The following GALNTL6 variants were observed in gnomAD, a reference collection of about 807,000 sequenced individuals.
GALNTL6 encodes the protein polypeptide N-acetylgalactosaminyltransferase-like 6.
In GALNTL6, 46 loss-of-function variants were observed where a neutral mutation model predicts 73.7. The ratio of observed to expected loss-of-function variants is 0.62; its 90% CI spans 0.49 to 0.80. The LOEUF (loss-of-function observed/expected upper bound fraction) is 0.80, where lower values mean the gene tolerates loss of function less well. Ranked by LOEUF, GALNTL6 falls within the 30% of genes least tolerant of loss-of-function variation. GALNTL6 has a pLI of 0.00. For synonymous variants in GALNTL6, 259 were observed against 263.7 expected (o/e 0.98, Z 0.17); for missense variants, 604 against 755.0 (o/e 0.80, Z 2.34).
rs1734384550 is a variant in GALNTL6 at position 172,506,110 on chromosome 4, TC to T, written c.553+157425del. On this transcript the variant is annotated intron_variant, in intron 5 of 12. Coordinates refer to ENST00000506823, the MANE Select transcript of GALNTL6 (RefSeq NM_001034845.3). ...AGTCATGTGGACCCTAGATTATAGT[TC>T]CCCTTAACTGCTATATGGATAACAA... Among the ~76,000 whole-genome samples, 2 of 53,996 alleles carry T rather than the reference TC, an allele frequency of 3.7e-5. 1 individual carries two copies. Among genetic ancestry groups the T allele is most frequent in the South Asian group, 3.7e-3 (2 of 542 alleles). 35.4% of individuals were successfully genotyped at this position (53,996 alleles called of 152,430 possible).
chr4:172,652,871 GT>G (rs376179279), intron 5 of GALNTL6, among the ~76,000 whole-genome samples: 10 of 152,066 alleles, frequency 6.6e-5, no homozygotes, highest in African/African-American at 2.2e-4. Context: ...CTAATTATAA[GT>G]TTTTTTCTTG....
chr4:171,846,810 C>T (rs1229316299), intron 2 of GALNTL6, among the ~76,000 whole-genome samples: 1 of 146,286 alleles, frequency 6.8e-6, no homozygotes, highest in Admixed American at 6.9e-5. Flanking sequence ...ATATATGTCC[C>T]TGTAGATGTA....
chr4:171,814,964 T>C (rs761323125), intron 2 of GALNTL6: 1 of 561,048 alleles, frequency 1.8e-6, no homozygotes, highest in Non-Finnish European at 3.1e-6. Context: ...GAGAAGATAA[T>C]CTTTCACCAT....
Position 172,936,926 on chromosome 4 carries a change from C to A in GALNTL6, c.1149+5658C>A, listed in dbSNP as rs1748649280. Reference sequence around the variant, plus strand: ...AAGGAGTAGAGCTGGGTCTATGAACCGAGGTCTGTCTGGTCGAGGTTCATG... The same window carrying A: ...AAGGAGTAGAGCTGGGTCTATGAACAGAGGTCTGTCTGGTCGAGGTTCATG... On this transcript the variant is annotated intron_variant, in intron 9 of 12. Coordinates refer to ENST00000506823, the MANE Select transcript of GALNTL6 (RefSeq NM_001034845.3). Among the ~76,000 whole-genome samples, 3 of 151,940 alleles carry A rather than the reference C, an allele frequency of 2.0e-5. No individual in the cohort carries two copies. The South Asian group carries it at 6.2e-4, about 32-fold the overall frequency.
At chr4:172,923,132 G>T (rs78759496) in intron 8 of GALNTL6, among the ~76,000 whole-genome samples, 2,627 of 152,234 alleles carry the variant, frequency 0.017, 67 homozygotes, top group African/African-American at 0.059. Flanking sequence ...GAGGGGAAGA[G>T]AGTTTATTAG....
intron 2 of GALNTL6, among the ~76,000 whole-genome samples, chr4:171,970,321 C>A (rs963258787): frequency 2.6e-5 from 4 of 152,036 alleles, no homozygotes; most frequent in East Asian, 3.9e-4. Flanking sequence ...TTGGCTGGAC[C>A]AAGCATTTGG....
At chr4:171,988,533 T>C (rs537904493) in intron 2 of GALNTL6, among the ~76,000 whole-genome samples, 224 of 152,048 alleles carry the variant, frequency 1.5e-3, no homozygotes, top group African/African-American at 4.8e-3. Context: ...AACAGAATAG[T>C]GGATTGTGGA....
intron 5 of GALNTL6, among the ~76,000 whole-genome samples, chr4:172,621,827 T>C (rs1193901185): frequency 6.6e-6 from 1 of 152,186 alleles, no homozygotes; most frequent in African/African-American, 2.4e-5. Flanking sequence ...GCCGATATTA[T>C]ATATTCTTTG....
chr4:172,825,724 C>T (rs763302395), intron 7 of GALNTL6, among the ~76,000 whole-genome samples: 39 of 152,190 alleles, frequency 2.6e-4, no homozygotes, highest in Non-Finnish European at 3.2e-4. Flanking sequence ...AAAAAGAAAG[C>T]AGGTTTGAAT....
intron 5 of GALNTL6, among the ~76,000 whole-genome samples, chr4:172,782,570 T>C (rs951361772): frequency 8.5e-5 from 13 of 152,152 alleles, no homozygotes; most frequent in Non-Finnish European, 1.2e-4. Flanking sequence ...AGATCGGGGC[T>C]TCATCGTCTG....
chr4:172,568,683 G>T (rs193148768), intron 5 of GALNTL6, among the ~76,000 whole-genome samples: 2,398 of 147,920 alleles, frequency 0.016, 26 homozygotes, highest in Middle Eastern at 0.031. Flanking sequence ...GCGTGAACCC[G>T]GGAGGCGGAG....
intron 5 of GALNTL6, among the ~76,000 whole-genome samples, chr4:172,635,449 G>GT (rs1413177295): frequency 6.6e-6 from 1 of 152,008 alleles, no homozygotes; most frequent in Non-Finnish European, 1.5e-5. Context: ...TTAGTTTTGG[G>GT]TTTTTTATCA....
intron 9 of GALNTL6, among the ~76,000 whole-genome samples, chr4:172,942,306 TTAA>T (rs1167663124): frequency 6.6e-6 from 1 of 152,220 alleles, no homozygotes; most frequent in African/African-American, 2.4e-5. Context: ...ACAAGGTCTA[TTAA>T]TAATAATTGG....
At chr4:172,984,087 T>C (rs181608838) in intron 10 of GALNTL6, among the ~76,000 whole-genome samples, 2 of 152,306 alleles carry the variant, frequency 1.3e-5, no homozygotes, top group Non-Finnish European at 2.9e-5. Context: ...AACAAACATA[T>C]GAAAATGTTC....
intron 12 of GALNTL6, 62 bp downstream of exon 12, chr4:173,021,687 T>A: frequency 6.4e-7 from 1 of 1,569,984 alleles, no homozygotes; most frequent in Non-Finnish European, 8.7e-7. Flanking sequence ...TCTTACTCAG[T>A]TTTCTTTGAA....
intron 3 of GALNTL6, among the ~76,000 whole-genome samples, chr4:172,292,850 G>T (rs1354384762): frequency 6.6e-6 from 1 of 152,052 alleles, no homozygotes; most frequent in Non-Finnish European, 1.5e-5. Flanking sequence ...AATTTTACCA[G>T]AATAATAGTT....
intron 5 of GALNTL6, among the ~76,000 whole-genome samples, chr4:172,381,507 A>G (rs115202156): frequency 0.019 from 2,897 of 152,268 alleles, 83 homozygotes; most frequent in African/African-American, 0.064. Context: ...GATTTTATAT[A>G]AATAGAATAA....
At chr4:172,243,906 A>G (rs1176800621) in intron 3 of GALNTL6, among the ~76,000 whole-genome samples, 1 of 152,168 alleles carries the variant, frequency 6.6e-6, no homozygotes, top group African/African-American at 2.4e-5. Flanking sequence ...TTCAGAAAGT[A>G]AAAATAGCAA....
intron 2 of GALNTL6, among the ~76,000 whole-genome samples, chr4:172,018,006 A>T (rs879735259): frequency 6.6e-6 from 1 of 151,574 alleles, no homozygotes; most frequent in Non-Finnish European, 1.5e-5. Context: ...TTATACTAGC[A>T]GTGAAGTTGT....
Sources: gnomAD v4.1 joint callset for allele counts (sites outside exome capture counted in the v4.1 genomes callset) on GRCh38, gnomAD v4.1.1 for gene constraint, MANE v1.5 for transcripts, NCBI Gene and HGNC (gene_info 2026-07-23, HGNC 2026-07-21) for gene names.